F13A1: variants seen among roughly 807,000 people sequenced by gnomAD.
F13A1 encodes coagulation factor XIII A chain.
In F13A1, 47 loss-of-function variants were observed where a neutral mutation model predicts 80.1. That is an observed-to-expected ratio of 0.59 (90% CI 0.46 to 0.75). F13A1 has a LOEUF of 0.75. Among genes scored for constraint, F13A1 ranks in the 30% least tolerant of loss-of-function variants. F13A1 has a pLI of 0.00. For synonymous variants in F13A1, 349 were observed against 344.9 expected (o/e 1.01, Z -0.13); for missense variants, 817 against 930.4 (o/e 0.88, Z 1.59).
At chr6:6,260,196 A>T (rs2815815) in intron 4 of F13A1, among the ~76,000 whole-genome samples, 41,467 of 152,060 alleles carry the variant, frequency 0.27, 5,883 homozygotes, top group South Asian at 0.44. Context: ...CCCTGCCTTC[A>T]CTGATGTGGC....
At chr6:6,206,655 C>A (rs1407161526) in intron 8 of F13A1, 6 of 438,462 alleles carry the variant, frequency 1.4e-5, no homozygotes, top group Admixed American at 5.4e-5. Flanking sequence ...CTTCAAAGAG[C>A]AATGCCCCCT....
At chr6:6,148,270 A>T (rs573392730) in intron 14 of F13A1, among the ~76,000 whole-genome samples, 33 of 152,338 alleles carry the variant, frequency 2.2e-4, no homozygotes, top group Admixed American at 3.3e-4. Context: ...GGGGAAGAGC[A>T]GGAAGATAAA....
rs1000792167 is a variant in F13A1 at position 6,309,678 on chromosome 6, T to G, written c.131-4139A>C. On this transcript the variant is annotated intron_variant, in intron 2 of 14. Transcript: ENST00000264870. ...AAGAATCTGAAACAGCAAACTGACA[T>G]GATTAGATTTATATATATATTGAAA... Among the ~76,000 whole-genome samples the G allele has an allele frequency of 5.3e-4, 80 of 152,176 alleles. 1 individual carries two copies. The highest frequency in any genetic ancestry group is 5.2e-3 in the Admixed American group (80 of 15,284).
intron 9 of F13A1, among the ~76,000 whole-genome samples, chr6:6,196,255 G>T (rs1160617122): frequency 6.6e-6 from 1 of 152,132 alleles, no homozygotes; most frequent in Non-Finnish European, 1.5e-5. Context: ...GTTGCTGTTT[G>T]TTTTGCTTTT....
At chr6:6,283,400 A>G (rs1347825775) in intron 3 of F13A1, among the ~76,000 whole-genome samples, 3 of 152,238 alleles carry the variant, frequency 2.0e-5, no homozygotes, top group Non-Finnish European at 4.4e-5. Context: ...AGATTAGACT[A>G]CCATCAAATA....
chr6:6,306,366 T>C (rs1758512684), intron 2 of F13A1, among the ~76,000 whole-genome samples: 1 of 152,242 alleles, frequency 6.6e-6, no homozygotes, highest in Non-Finnish European at 1.5e-5. Context: ...TGACTTAAAT[T>C]CATTTCTTCA....
intron 3 of F13A1, among the ~76,000 whole-genome samples, chr6:6,284,399 C>T (rs1444855079): frequency 2.0e-5 from 3 of 152,272 alleles, no homozygotes; most frequent in East Asian, 1.9e-4. Flanking sequence ...TGGAAAATGC[C>T]ACTGCAGCTG....
At chr6:6,174,232 A>T (rs1760832326) in intron 12 of F13A1, among the ~76,000 whole-genome samples, 1 of 152,148 alleles carries the variant, frequency 6.6e-6, no homozygotes, top group Admixed American at 6.5e-5. Flanking sequence ...TCTACTAAAA[A>T]TACAAAAATT....
chr6:6,257,173 T>C (rs1757714014), intron 4 of F13A1, among the ~76,000 whole-genome samples: 1 of 152,208 alleles, frequency 6.6e-6, no homozygotes, highest in Non-Finnish European at 1.5e-5. Context: ...AGGGAGTGGC[T>C]TGATCTGCAG....
chr6:6,207,174 T>A (rs1489749700), intron 8 of F13A1, among the ~76,000 whole-genome samples: 1 of 152,152 alleles, frequency 6.6e-6, no homozygotes, highest in African/African-American at 2.4e-5. Flanking sequence ...ACCTCCACAG[T>A]AGTCTTAAAA....
At chr6:6,242,791 A>G (rs1583090240) in intron 6 of F13A1, among the ~76,000 whole-genome samples, 1 of 152,200 alleles carries the variant, frequency 6.6e-6, no homozygotes, top group African/African-American at 2.4e-5. Context: ...GGTTTCTTCA[A>G]ATAATAGCAT....
At chr6:6,187,679 TTC>T (rs1267543951) in intron 10 of F13A1, among the ~76,000 whole-genome samples, 1 of 66,420 alleles carries the variant, frequency 1.5e-5, no homozygotes, top group East Asian at 5.4e-4. Context: ...TGGTCTAAAA[TTC>T]TCTTTTTTTT....
chr6:6,192,007 G>A (rs1761210466), intron 10 of F13A1, among the ~76,000 whole-genome samples: 1 of 152,202 alleles, frequency 6.6e-6, no homozygotes, highest in Non-Finnish European at 1.5e-5. Context: ...ATGCAGAGAG[G>A]GAACAAAGCA....
chr6:6,167,952 G>A (rs945108109), intron 12 of F13A1, among the ~76,000 whole-genome samples: 2 of 152,194 alleles, frequency 1.3e-5, no homozygotes, highest in Non-Finnish European at 2.9e-5. Context: ...TGGTGGCTTT[G>A]ATTTGGGCCG....
At chr6:6,187,156 C>G (rs552960147) in intron 10 of F13A1, among the ~76,000 whole-genome samples, 2 of 124,798 alleles carry the variant, frequency 1.6e-5, no homozygotes, top group African/African-American at 6.5e-5. Flanking sequence ...GATATACAAT[C>G]ATGTCATCTG....
At chr6:6,305,039 A>G (rs1313303313) in intron 3 of F13A1, 1 of 427,714 alleles carries the variant, frequency 2.3e-6, no homozygotes, top group Non-Finnish European at 4.4e-6. Context: ...CAATTAAATC[A>G]TGGAGATAAA....
intron 8 of F13A1, among the ~76,000 whole-genome samples, chr6:6,212,751 A>G (rs1335078434): frequency 6.6e-6 from 1 of 152,222 alleles, no homozygotes; most frequent in Non-Finnish European, 1.5e-5. Context: ...AGGACATTCA[A>G]ACCAAAGGCA....
intron 8 of F13A1, among the ~76,000 whole-genome samples, chr6:6,197,799 C>T (rs1436192208): frequency 6.6e-6 from 1 of 152,166 alleles, no homozygotes; most frequent in Admixed American, 6.5e-5. Flanking sequence ...GTTTTCTGGG[C>T]AGATTCATTC....
chr6:6,313,834 GA>G (rs1244342935), intron 2 of F13A1, among the ~76,000 whole-genome samples: 1 of 152,062 alleles, frequency 6.6e-6, no homozygotes, highest in Non-Finnish European at 1.5e-5. Flanking sequence ...CTATAATGTT[GA>G]AGGATTGCTC....
Sources: allele counts gnomAD v4.1 joint callset (sites outside exome capture counted in the v4.1 genomes callset), GRCh38; gene constraint gnomAD v4.1.1; transcripts MANE v1.5; gene names NCBI Gene and HGNC (gene_info 2026-07-23, HGNC 2026-07-21).